RO60: variants seen among roughly 807,000 people sequenced by gnomAD.
RO60 encodes RNA-binding protein RO60.
A neutral mutation model predicts 55.3 loss-of-function variants in RO60; 20 were observed. That is an observed-to-expected ratio of 0.36 (90% CI 0.25 to 0.53). RO60 has a LOEUF of 0.53. RO60 is among the 20% of genes least tolerant of loss of function. The pLI is 0.92. For synonymous variants in RO60, 213 were observed against 213.6 expected (o/e 1.00, Z 0.02); for missense variants, 558 against 646.6 (o/e 0.86, Z 1.49).
At chr1:193,067,428 G>T (rs1334865761) in intron 1 of RO60, among the ~76,000 whole-genome samples, 1 of 151,752 alleles carries the variant, frequency 6.6e-6, no homozygotes, top group East Asian at 1.9e-4. Context: ...CTCGTGATCC[G>T]CCCGTCTCGG....
chr1:193,072,936 A>G (rs1673622697), intron 2 of RO60, among the ~76,000 whole-genome samples: 1 of 152,366 alleles, frequency 6.6e-6, no homozygotes, highest in South Asian at 2.1e-4. Flanking sequence ...TAATAGCAAT[A>G]TCACATTGGA....
intron 5 of RO60, among the ~76,000 whole-genome samples, chr1:193,080,656 A>G (rs1167600759): frequency 3.3e-5 from 5 of 152,220 alleles, no homozygotes; most frequent in South Asian, 4.1e-4. Context: ...AAAATGTGGT[A>G]TATATAATGG....
rs971648179 is a variant in RO60 at position 193,085,111 on chromosome 1, T to A, written c.*380T>A. 14 of 1,448,942 alleles carry A rather than the reference T, an allele frequency of 9.7e-6. No homozygotes were observed. The African/African-American group carries it at 2.0e-4, about 21-fold the overall frequency. The allele number at this position is 1,448,942 out of a possible 1,614,324, so 89.8% of individuals were successfully genotyped here. The stretch of plus-strand genomic sequence containing the variant: ...CTTAACGTTTTCTTAAATGTTTTCA[T>A]TGGGAAAGGACAGCTTTGATAATGT... On this transcript the variant is annotated 3_prime_UTR_variant, in exon 9 of 9. Transcript: ENST00000400968.
intron 1 of RO60, among the ~76,000 whole-genome samples, chr1:193,063,793 C>T (rs1337098004): frequency 6.6e-6 from 1 of 152,194 alleles, no homozygotes; most frequent in African/African-American, 2.4e-5. Flanking sequence ...TTCTGCCCTG[C>T]GGACTACAAA....
At chr1:193,063,349 T>C (rs1672908623) in intron 1 of RO60, among the ~76,000 whole-genome samples, 1 of 152,234 alleles carries the variant, frequency 6.6e-6, no homozygotes, top group African/African-American at 2.4e-5. Flanking sequence ...TCAGATTCTT[T>C]ACCCATTTGT....
In RO60 at chr1:193,084,871, A is replaced by C; in HGVS notation, c.*140A>C. On this transcript the variant is annotated 3_prime_UTR_variant, in exon 9 of 9. Transcript: ENST00000400968. Reference sequence around the variant, plus strand: ...TAATGGAAAGTTACCTTACTGAAAAAAAAAAAAGAAGGAAAAATAAGATGG... The same window carrying C: ...TAATGGAAAGTTACCTTACTGAAAACAAAAAAAGAAGGAAAAATAAGATGG... 3 of 1,477,686 alleles carry C rather than the reference A, an allele frequency of 2.0e-6. No homozygotes were observed. The highest frequency in any genetic ancestry group is 2.7e-6 in the Non-Finnish European group (3 of 1,119,438). 91.5% of individuals were successfully genotyped at this position (1,477,686 alleles called of 1,614,324 possible).
chr1:193,082,759 C>G lies in RO60; in HGVS notation c.1464+51C>G. ...TCACCCAAATAATATTATTTTAATA[C>G]TTGATTTTTTTTTTTTTTTTTTGGA... On this transcript the variant is annotated intron_variant, in intron 8 of 8. Transcript: ENST00000400968. The G allele has an allele frequency of 2.2e-6, 3 of 1,340,310 alleles. No homozygotes were observed. In the South Asian group the frequency reaches 4.4e-5, roughly 19 times the overall value. 83.0% of individuals were successfully genotyped at this position (1,340,310 alleles called of 1,614,324 possible).
At chr1:193,070,113 A>G (rs990312972) in intron 2 of RO60, among the ~76,000 whole-genome samples, 1 of 151,136 alleles carries the variant, frequency 6.6e-6, no homozygotes, top group Non-Finnish European at 1.5e-5. Context: ...ATAGAAAACT[A>G]CTCTGTAACC....
At chr1:193,078,750 G>A (rs1403033582) in intron 5 of RO60, among the ~76,000 whole-genome samples, 1 of 151,990 alleles carries the variant, frequency 6.6e-6, no homozygotes, top group Non-Finnish European at 1.5e-5. Flanking sequence ...ACACATCTGT[G>A]TTTACAGATT....
chr1:193,072,128 C>T (rs1430142898), intron 2 of RO60, among the ~76,000 whole-genome samples: 1 of 152,088 alleles, frequency 6.6e-6, no homozygotes, highest in Non-Finnish European at 1.5e-5. Context: ...CTCAGCCTCC[C>T]AAGTAGCTGG....
In RO60 at chr1:193,059,807, C is replaced by T. The variant is rs1436216433; in HGVS notation, c.-22+31C>T. The T allele has an allele frequency of 7.4e-7, 1 of 1,356,838 alleles. No individual in the cohort carries two copies. The highest frequency in any genetic ancestry group is 2.0e-5 in the Admixed American group (1 of 50,900). 84.0% of individuals were successfully genotyped at this position (1,356,838 alleles called of 1,614,324 possible). ...GACATTGCGGGAGGCCGGCTGGGAG[C>T]CTTTTGTGCGGCCCCAGGGACGCGC... is the stretch of plus-strand genomic sequence containing the variant. On this transcript the variant is annotated intron_variant, in intron 1 of 8. Transcript: ENST00000400968. This position sits in a 1 kb window ranked among gnomAD's most constrained non-coding sequence, Gnocchi z 4.9.
intron 1 of RO60, among the ~76,000 whole-genome samples, chr1:193,060,641 T>C (rs942232865): frequency 6.6e-6 from 1 of 152,186 alleles, no homozygotes; most frequent in African/African-American, 2.4e-5. Context: ...GTAAATTTTA[T>C]TGAGGGAAGC....
chr1:193,072,407 G>A (rs1673577465), intron 2 of RO60, among the ~76,000 whole-genome samples: 1 of 151,694 alleles, frequency 6.6e-6, no homozygotes, highest in Non-Finnish European at 1.5e-5. Context: ...TACAGTGCAT[G>A]CATTTTTTCT....
chr1:193,069,739 G>A (rs905275593), intron 2 of RO60, 105 bp downstream of exon 2: 32 of 895,638 alleles, frequency 3.6e-5, no homozygotes, highest in Non-Finnish European at 5.2e-5. Context: ...TCTAGAAATA[G>A]CCTTTTATTC....
At position 193,090,717 on chromosome 1, in the gene RO60, C is replaced by G. The variant is rs1674824119; in HGVS notation, c.*5986C>G. On this transcript the variant is annotated 3_prime_UTR_variant, in exon 9 of 9. Transcript: ENST00000400968. ...TCTACATAGAATAAACTTAAGTATT[C>G]AAGAGCCTTAAAGTGAAAAAATGAA... 1 of 151,846 alleles carries G rather than the reference C, an allele frequency of 6.6e-6. No individual in the cohort carries two copies. 9.4% of individuals were successfully genotyped at this position (151,846 alleles called of 1,614,324 possible).
chr1:193,060,321 G>C (rs1317424149), intron 1 of RO60: 1 of 304,854 alleles, frequency 3.3e-6, no homozygotes, highest in South Asian at 3.0e-5. Flanking sequence ...AAAAACATTT[G>C]GAATGGTTCT....
In RO60 at chr1:193,068,003, G is replaced by T. The variant is rs559991885; in HGVS notation, c.-21-1031G>T. Among the ~76,000 whole-genome samples, 16 of 152,276 alleles carry T rather than the reference G, an allele frequency of 1.1e-4. No homozygotes were observed. In the East Asian group the frequency reaches 2.3e-3, roughly 22 times the overall value. On this transcript the variant is annotated intron_variant, in intron 1 of 8. Coordinates refer to ENST00000400968, the MANE Select transcript of RO60 (RefSeq NM_001173524.2). Reference sequence around the variant, plus strand: ...CTTATCTCAAGGTCTGAAGATGGTTGTTACCACTCCAGGCATCACTTGCAA... The same window carrying T: ...CTTATCTCAAGGTCTGAAGATGGTTTTTACCACTCCAGGCATCACTTGCAA...
chr1:193,084,859 C>T lies in RO60; in HGVS notation c.*128C>T. On this transcript the variant is annotated 3_prime_UTR_variant, in exon 9 of 9. Coordinates refer to ENST00000400968, the MANE Select transcript of RO60 (RefSeq NM_001173524.2). Reference sequence around the variant, plus strand: ...ATAGTATGTGCATAATGGAAAGTTACCTTACTGAAAAAAAAAAAAGAAGGA... The same window carrying T: ...ATAGTATGTGCATAATGGAAAGTTATCTTACTGAAAAAAAAAAAAGAAGGA... The T allele has an allele frequency of 6.1e-6, 9 of 1,480,658 alleles. No homozygotes were observed. In the South Asian group the frequency reaches 8.5e-5, roughly 14 times the overall value. The allele number at this position is 1,480,658 out of a possible 1,614,324, so 91.7% of individuals were successfully genotyped here. A position where few individuals can be genotyped will look rare whatever the true frequency, so the allele number is the denominator to read the frequency against.
In RO60 at chr1:193,069,072, C is replaced by G; in HGVS notation, c.18C>G (p.Asn6Lys). The G allele has an allele frequency of 3.1e-6, 5 of 1,610,168 alleles. No individual in the cohort carries two copies. Among genetic ancestry groups the G allele is most frequent in the Non-Finnish European group, 4.2e-6 (5 of 1,177,376 alleles). MEESV[N>K]QMQPLNEKQI... ...AAAAAAAAATGGAGGAATCTGTAAACCAAATGCAGCCACTGAATGAGAAGC... is the reference window on the plus strand; with the variant it reads ...AAAAAAAAATGGAGGAATCTGTAAAGCAAATGCAGCCACTGAATGAGAAGC... The change falls in exon 2 of 9, where the codon AAC becomes AAG. Residue 6 changes from asparagine to lysine, a missense_variant. Coordinates refer to ENST00000400968, the MANE Select transcript of RO60 (RefSeq NM_001173524.2).
Sources: allele counts gnomAD v4.1 joint callset (sites outside exome capture counted in the v4.1 genomes callset), GRCh38; gene constraint gnomAD v4.1.1; non-coding constraint Gnocchi (gnomAD v3.1); transcripts MANE v1.5; gene names NCBI Gene and HGNC (gene_info 2026-07-23, HGNC 2026-07-21).